Variants in TRAPPC8 observed in about 807,000 individuals in gnomAD.
TRAPPC8 encodes trafficking protein particle complex subunit 8.
TRAPPC8 carries 54 observed loss-of-function variants against 174.3 expected under a neutral mutation model. The ratio of observed to expected loss-of-function variants is 0.31; its 90% confidence interval spans 0.25 to 0.39. TRAPPC8 has a LOEUF of 0.39. Among genes scored for constraint, TRAPPC8 ranks in the 10% least tolerant of loss-of-function variants. TRAPPC8 has a pLI of 1.00. For missense variants in TRAPPC8, 1,531 were observed against 1,699.1 expected (o/e 0.90, Z 1.74); for synonymous variants, 630 against 579.9 (o/e 1.09, Z -1.24).
intron 9 of TRAPPC8, among the ~76,000 whole-genome samples, chr18:31,904,247 A>G (rs1353113986): frequency 2.0e-5 from 3 of 152,022 alleles, no homozygotes; most frequent in South Asian, 2.1e-4. Context: ...AAAAAAAAAA[A>G]AAAAGAAAAA....
intron 19 of TRAPPC8, among the ~76,000 whole-genome samples, chr18:31,858,812 G>A (rs1051922802): frequency 2.0e-5 from 3 of 152,158 alleles, no homozygotes; most frequent in African/African-American, 7.2e-5. Context: ...ATACTGGCTG[G>A]GCACAGTGGC....
At chr18:31,924,892 AT>A (rs1568143840) in intron 2 of TRAPPC8, among the ~76,000 whole-genome samples, 1 of 152,110 alleles carries the variant, frequency 6.6e-6, no homozygotes. Flanking sequence ...AGATAAAACA[AT>A]TTCCCACAAC....
intron 27 of TRAPPC8, chr18:31,832,425 ATCT>A (rs2032427805): frequency 5.9e-6 from 1 of 168,308 alleles, no homozygotes. Context: ...TCATTTATTA[ATCT>A]TCTAAAAACA....
At chr18:31,897,936 T>C (rs1430981398) in intron 10 of TRAPPC8, 45 bp from the exon 11 acceptor site, 3 of 1,511,098 alleles carry the variant, frequency 2.0e-6, no homozygotes, top group Admixed American at 1.8e-5. Flanking sequence ...AATAATACCT[T>C]AGCACATCAA....
chr18:31,867,597 T>TAATGATAC, intron 16 of TRAPPC8, 121 bp from the exon 17 acceptor site: 3 of 641,088 alleles, frequency 4.7e-6, no homozygotes, highest in Admixed American at 3.1e-5. Flanking sequence ...ACTTGGTTTT[T>TAATGATAC]ACCACATGCT....
intron 12 of TRAPPC8, among the ~76,000 whole-genome samples, chr18:31,876,640 C>T (rs551295735): frequency 6.6e-6 from 1 of 152,036 alleles, no homozygotes; most frequent in South Asian, 2.1e-4. Flanking sequence ...TGGAAAGAAA[C>T]TAGAGTGCAG....
intron 1 of TRAPPC8, among the ~76,000 whole-genome samples, chr18:31,940,032 C>T (rs1459581355): frequency 1.3e-5 from 2 of 152,034 alleles, no homozygotes; most frequent in African/African-American, 4.8e-5. Context: ...GTGACTAGTA[C>T]AAATTGAGAT....
At chr18:31,841,437 G>A (rs2033093328) in intron 26 of TRAPPC8, among the ~76,000 whole-genome samples, 1 of 152,040 alleles carries the variant, frequency 6.6e-6, no homozygotes, top group Non-Finnish European at 1.5e-5. Context: ...GGAAACCAGA[G>A]AAAGAAACTA....
chr18:31,880,016 G>C (rs1403205756), intron 12 of TRAPPC8, among the ~76,000 whole-genome samples: 2 of 139,970 alleles, frequency 1.4e-5, no homozygotes, highest in African/African-American at 5.4e-5. Flanking sequence ...CAAGATAGCT[G>C]GATTCAAAGC....
At chr18:31,879,250 T>C (rs1458570585) in intron 12 of TRAPPC8, among the ~76,000 whole-genome samples, 2 of 152,128 alleles carry the variant, frequency 1.3e-5, no homozygotes, top group Admixed American at 1.3e-4. Context: ...CAAAAAATTT[T>C]AAAAAGTCAA....
intron 6 of TRAPPC8, 127 bp from the exon 7 acceptor site, chr18:31,909,137 T>TATCTTTCA: frequency 1.1e-6 from 1 of 899,222 alleles, no homozygotes; most frequent in East Asian, 2.9e-5. Context: ...TATAGGTAAA[T>TATCTTTCA]GTCTAAGATA....
Position 31,855,706 on chromosome 18 carries a change from C to A in TRAPPC8, c.3290G>T (p.Arg1097Ile). 1 of 1,610,888 alleles carries A rather than the reference C, an allele frequency of 6.2e-7. No individual in the cohort carries two copies. Among genetic ancestry groups the A allele is most frequent in the Non-Finnish European group, 8.5e-7 (1 of 1,179,348 alleles). ...RSNSLENEEG[R>I]GGNMLVFVDV... Reference sequence around the variant, plus strand: ...CACAAAGACTAGCATATTGCCTCCTCTGCCTTCTTCATTTTCAAGAGAATT... The same window carrying A: ...CACAAAGACTAGCATATTGCCTCCTATGCCTTCTTCATTTTCAAGAGAATT... The change falls in exon 21 of 29, where the codon AGA (arginine) becomes ATA (isoleucine). Residue 1097 changes from arginine to isoleucine, a missense_variant. Arg to Ile is a moderately conservative substitution (Grantham distance 97). Transcript: ENST00000283351.
At chr18:31,930,330 G>C (rs1370752610) in intron 2 of TRAPPC8, among the ~76,000 whole-genome samples, 1 of 151,994 alleles carries the variant, frequency 6.6e-6, no homozygotes, top group Non-Finnish European at 1.5e-5. Context: ...ATGTTGGTCA[G>C]GCTGGTCTTG....
intron 12 of TRAPPC8, among the ~76,000 whole-genome samples, chr18:31,889,856 T>A (rs909666164): frequency 6.6e-5 from 10 of 152,228 alleles, no homozygotes; most frequent in Admixed American, 6.5e-4. Flanking sequence ...GAGTAATTTC[T>A]GAACATCTTT....
intron 27 of TRAPPC8, among the ~76,000 whole-genome samples, chr18:31,835,845 T>C (rs2032682010): frequency 6.6e-6 from 1 of 152,252 alleles, no homozygotes. Context: ...GCTTTTGCAA[T>C]GTGGCTCACT....
intron 1 of TRAPPC8, among the ~76,000 whole-genome samples, chr18:31,936,683 C>A (rs1568159564): frequency 5.3e-5 from 8 of 151,690 alleles, no homozygotes. Context: ...GGGTGGATCA[C>A]TTGAGGTCGG....
chr18:31,904,237 A>C lies in TRAPPC8; in HGVS notation c.1390-3212T>G, dbSNP rs571226176. Among the ~76,000 whole-genome samples the C allele has an allele frequency of 5.4e-4, 70 of 129,904 alleles. 4 individuals carry two copies. The East Asian group carries it at 8.6e-3, about 16-fold the overall frequency. The allele number at this position is 129,904 out of a possible 152,430, so 85.2% of individuals were successfully genotyped here. A position where few individuals can be genotyped will look rare whatever the true frequency, so the allele number is the denominator to read the frequency against. ...GGCAACAGAGCAAGACCTTGCCTCC[A>C]AAAAAAAAAAAAAAGAAAAAAGAAC... On this transcript the variant is annotated intron_variant, in intron 9 of 28. Coordinates refer to ENST00000283351, the MANE Select transcript of TRAPPC8 (RefSeq NM_014939.5).
At chr18:31,885,074 G>C (rs1423376768) in intron 12 of TRAPPC8, among the ~76,000 whole-genome samples, 2 of 152,046 alleles carry the variant, frequency 1.3e-5, no homozygotes, top group Non-Finnish European at 2.9e-5. Flanking sequence ...AGCCAGGATG[G>C]TCTCGATCTC....
At chr18:31,855,556 C>T (rs997335567) in intron 21 of TRAPPC8, 104 bp downstream of exon 21, 3 of 931,732 alleles carry the variant, frequency 3.2e-6, no homozygotes, top group African/African-American at 1.7e-5. Context: ...TCCTAAAATC[C>T]CTAGCTTATG....
Sources: gnomAD v4.1 joint callset for allele counts (sites outside exome capture counted in the v4.1 genomes callset) on GRCh38, gnomAD v4.1.1 for gene constraint, MANE v1.5 for transcripts, NCBI Gene and HGNC (gene_info 2026-07-23, HGNC 2026-07-21) for gene names.